The following ABCG1 variants were observed in gnomAD, a reference collection of about 807,000 sequenced individuals.
ABCG1 encodes the protein ATP binding cassette subfamily G member 1, also known as ATP-binding cassette sub-family G member 1.
In ABCG1, 29 loss-of-function variants were observed where a neutral mutation model predicts 69.2. That is an observed-to-expected ratio of 0.42 (90% confidence interval 0.31 to 0.57). ABCG1 has a LOEUF of 0.57. ABCG1 is among the 20% of genes least tolerant of loss of function. ABCG1 has a pLI of 0.15. For synonymous variants in ABCG1, 370 were observed against 374.8 expected (o/e 0.99, Z 0.15); for missense variants, 718 against 898.1 (o/e 0.80, Z 2.56).
intron 2 of ABCG1, among the ~76,000 whole-genome samples, chr21:42,243,430 A>C: frequency 7.2e-6 from 1 of 139,100 alleles, no homozygotes; most frequent in South Asian, 2.3e-4. Flanking sequence ...ACCATATTTT[A>C]ATACCGTGTG....
At chr21:42,251,615 G>GC (rs2068222351) in intron 2 of ABCG1, among the ~76,000 whole-genome samples, 1 of 152,078 alleles carries the variant, frequency 6.6e-6, no homozygotes, top group African/African-American at 2.4e-5. Flanking sequence ...GACCAGACCA[G>GC]CCTGGTGTGG....
At chr21:42,277,977 C>G (rs1218349999) in intron 5 of ABCG1, among the ~76,000 whole-genome samples, 4 of 152,216 alleles carry the variant, frequency 2.6e-5, no homozygotes, top group Non-Finnish European at 5.9e-5. Context: ...CTGTGCCCTT[C>G]AAAACTCAGG....
upstream of ABCG1, among the ~76,000 whole-genome samples, chr21:42,216,418 G>A (rs530936733): frequency 6.6e-6 from 1 of 152,308 alleles, no homozygotes; most frequent in Admixed American, 6.5e-5. Context: ...GCCTCGAAAA[G>A]TCTTGGCTGG....
In ABCG1 at chr21:42,219,974, G is replaced by A; in HGVS notation, c.42+670G>A. 6.4e-7 allele frequency: 1 copy of A among 1,552,518 alleles called. No homozygotes were observed. Among genetic ancestry groups the A allele is most frequent in the Non-Finnish European group, 8.7e-7 (1 of 1,147,402 alleles). On this transcript the variant is annotated intron_variant, in intron 1 of 14. Coordinates refer to ENST00000398449, the MANE Select transcript of ABCG1 (RefSeq NM_016818.3). The surrounding 1 kb of genome is among the most constrained non-coding windows in gnomAD (Gnocchi z 5.3). ...AGAGAGACGCGGTGGGGACAGGGAT[G>A]CGCATTTCACTTCCCCGAGCTCCGG...
At chr21:42,264,083 A>C (rs1464945803) in intron 2 of ABCG1, among the ~76,000 whole-genome samples, 1 of 152,220 alleles carries the variant, frequency 6.6e-6, no homozygotes, top group Non-Finnish European at 1.5e-5. Flanking sequence ...TGGAAGCAGA[A>C]GAAGACGTGC....
At position 42,287,603 on chromosome 21, in the gene ABCG1, G is replaced by A. The variant is rs980906448; in HGVS notation, c.974-286G>A. ...CAGAGCAGGCATTCAGTAAGTACCG[G>A]CTGGATGAGCAGTCGGTAGATGCAG... On this transcript the variant is annotated intron_variant, in intron 8 of 14. Transcript: ENST00000398449. This position sits in a 1 kb window ranked among gnomAD's most constrained non-coding sequence, Gnocchi z 6.2. Among the ~76,000 whole-genome samples, 5 of 152,184 alleles carry A rather than the reference G, an allele frequency of 3.3e-5. No individual in the cohort carries two copies. Among genetic ancestry groups the A allele is most frequent in the African/African-American group, 4.8e-5 (2 of 41,432 alleles).
chr21:42,281,570 T>A (rs1601438090), intron 5 of ABCG1, among the ~76,000 whole-genome samples: 1 of 152,322 alleles, frequency 6.6e-6, no homozygotes, highest in East Asian at 1.9e-4. Context: ...CTACCGTGGG[T>A]CATGACTGCT....
At chr21:42,245,338 A>G (rs1233368990) in intron 2 of ABCG1, among the ~76,000 whole-genome samples, 1 of 152,156 alleles carries the variant, frequency 6.6e-6, no homozygotes, top group Non-Finnish European at 1.5e-5. Context: ...TTTTGTAGTT[A>G]TAAAAATTAT....
In ABCG1 at chr21:42,257,370, A is replaced by G. The variant is rs141350855; in HGVS notation, c.287-13700A>G. Among the ~76,000 whole-genome samples the G allele has an allele frequency of 1.2e-3, 184 of 152,362 alleles. 1 individual carries two copies. Among genetic ancestry groups the G allele is most frequent in the African/African-American group, 4.1e-3 (172 of 41,592 alleles). On this transcript the variant is annotated intron_variant, in intron 2 of 14. Transcript: ENST00000398449. ...CCATGGCACCCGCAGCCTCTGCAGC[A>G]TCTGGCCTGAGTTATTCTTCCATTG...
upstream of ABCG1, among the ~76,000 whole-genome samples, chr21:42,217,679 C>CTTTTTTTTTTTTTTTTTT (rs71190409): frequency 1.6e-5 from 1 of 61,598 alleles, no homozygotes; most frequent in Admixed American, 2.2e-4. Context: ...TGGATCTACT[C>CTTTTTTTTTTTTTTTTTT]TTTTTTTTTT....
rs1034527995 is a variant in ABCG1 at position 42,287,521 on chromosome 21, C to A, written c.974-368C>A. On this transcript the variant is annotated intron_variant, in intron 8 of 14. Coordinates refer to ENST00000398449, the MANE Select transcript of ABCG1 (RefSeq NM_016818.3). This position sits in a 1 kb window ranked among gnomAD's most constrained non-coding sequence, Gnocchi z 6.2. ...ACCACAAGCTCCTCAAGGAGGAGTC[C>A]CTCAGGGAGGAGTCCTTCGTTCTGC... Among the ~76,000 whole-genome samples the A allele has an allele frequency of 3.3e-5, 5 of 152,172 alleles. No individual in the cohort carries two copies. Among genetic ancestry groups the A allele is most frequent in the Non-Finnish European group, 7.3e-5 (5 of 68,030 alleles).
rs1006248135 is a variant in ABCG1 at position 42,241,154 on chromosome 21, C to T, written c.286+15240C>T. ...AGTGAGAGCACTGGCCACGTTCAGA[C>T]GTGACTGCCTGTCAGGATTCTGACG... On this transcript the variant is annotated intron_variant, in intron 2 of 14. Coordinates refer to ENST00000398449, the MANE Select transcript of ABCG1 (RefSeq NM_016818.3). 5.9e-5 allele frequency among the ~76,000 whole-genome samples: 9 copies of T among 152,392 alleles called. No individual in the cohort carries two copies. The South Asian group carries it at 1.0e-3, about 18-fold the overall frequency.
intron 2 of ABCG1, among the ~76,000 whole-genome samples, chr21:42,203,887 C>T (rs1277826881): frequency 6.6e-6 from 1 of 152,168 alleles, no homozygotes; most frequent in African/African-American, 2.4e-5. Flanking sequence ...AACAGTATTT[C>T]TCTCCTTTTT....
chr21:42,202,185 A>G (rs1001910009), intron 2 of ABCG1, among the ~76,000 whole-genome samples: 2 of 152,194 alleles, frequency 1.3e-5, no homozygotes, highest in Admixed American at 6.5e-5. Flanking sequence ...TATGGAGGCC[A>G]GGGTTCCACT....
chr21:42,249,415 C>T (rs969634162), intron 2 of ABCG1, among the ~76,000 whole-genome samples: 7 of 152,138 alleles, frequency 4.6e-5, no homozygotes, highest in African/African-American at 1.4e-4. Flanking sequence ...TGTTTCTGGT[C>T]GGTTTCACTT....
chr21:42,237,847 G>A (rs1030643145), intron 2 of ABCG1, among the ~76,000 whole-genome samples: 3 of 152,214 alleles, frequency 2.0e-5, no homozygotes, highest in African/African-American at 7.2e-5. Flanking sequence ...GGACAGAGGG[G>A]TGGCTGGGGA....
At position 42,284,703 on chromosome 21, in the gene ABCG1, T is replaced by TC; in HGVS notation, c.858+24dup. 1.2e-6 allele frequency: 2 copies of TC among 1,609,660 alleles called. No individual in the cohort carries two copies. The highest frequency in any genetic ancestry group is 1.7e-6 in the Non-Finnish European group (2 of 1,179,368). Reference sequence around the variant, plus strand: ...GACCAGGTACGCGGGCCCCGGGCCCTCCCCGCCAGATTACCACTGCACTCA... The same window carrying TC: ...GACCAGGTACGCGGGCCCCGGGCCCTCCCCCGCCAGATTACCACTGCACTCA... On this transcript the variant is annotated intron_variant, in intron 7 of 14. Transcript: ENST00000398449.
At chr21:42,286,473 CA>C (rs1214098551) in intron 8 of ABCG1, among the ~76,000 whole-genome samples, 1 of 152,200 alleles carries the variant, frequency 6.6e-6, no homozygotes, top group African/African-American at 2.4e-5. Context: ...CACTATTTCC[CA>C]AATTGTGTTC....
intron 2 of ABCG1, chr21:42,256,207 A>C: frequency 2.1e-6 from 3 of 1,447,664 alleles, no homozygotes; most frequent in Non-Finnish European, 2.7e-6. Context: ...ATTAAACCTC[A>C]TAAGTGGTTT....
Sources: allele counts gnomAD v4.1 joint callset (sites outside exome capture counted in the v4.1 genomes callset), GRCh38; gene constraint gnomAD v4.1.1; non-coding constraint Gnocchi (gnomAD v3.1); transcripts MANE v1.5; gene names NCBI Gene and HGNC (gene_info 2026-07-23, HGNC 2026-07-21).